Variants in TCF7L1 observed in about 807,000 individuals in gnomAD.
The protein encoded by TCF7L1 is transcription factor 7 like 1, also known as transcription factor 7-like 1.
A neutral mutation model predicts 63.7 loss-of-function variants in TCF7L1; 18 were observed. The observed-to-expected ratio is 0.28, with a 90% confidence interval of 0.20 to 0.42. The LOEUF is 0.42. Among genes scored for constraint, TCF7L1 ranks in the 10% least tolerant of loss-of-function variants. TCF7L1 has a pLI of 1.00. For missense variants in TCF7L1, 654 were observed against 779.3 expected, an observed-to-expected ratio of 0.84 and a Z score of 1.91; for synonymous variants, 355 against 340.9, an observed-to-expected ratio of 1.04 and a Z score of -0.46.
At chr2:85,193,417 G>GC (rs1679083330) in intron 3 of TCF7L1, among the ~76,000 whole-genome samples, 1 of 152,142 alleles carries the variant, frequency 6.6e-6, no homozygotes, top group African/African-American at 2.4e-5. Context: ...GGGTGCAGTG[G>GC]CTCATGCCTG....
At chr2:85,274,093 T>A (rs1040516983) in intron 3 of TCF7L1, among the ~76,000 whole-genome samples, 1 of 151,742 alleles carries the variant, frequency 6.6e-6, no homozygotes, top group Non-Finnish European at 1.5e-5. Context: ...CCCAGCAGGG[T>A]TCACCTCAGG....
chr2:85,283,537 G>A lies in TCF7L1; in HGVS notation c.484G>A (p.Ala162Thr), dbSNP rs1182158493. Residue 162 changes from alanine to threonine, a missense_variant, in exon 4 of 12, where the codon GCC becomes ACC. Around this residue, in one of 3 missense-constraint regions of TCF7L1, gnomAD observed 404 missense variants for 454.8 expected, o/e 0.89. Coordinates refer to ENST00000282111, the MANE Select transcript of TCF7L1 (RefSeq NM_031283.3). Reference protein sequence around the residue: ...KWPLLDVPSSATVKDTRSPSP... With the variant: ...KWPLLDVPSSTTVKDTRSPSP... Reference sequence around the variant, plus strand: ...GCCCCTCCTCGATGTCCCCTCCAGCGCCACAGTCAAGGACACGAGGTCACC... The same window carrying A: ...GCCCCTCCTCGATGTCCCCTCCAGCACCACAGTCAAGGACACGAGGTCACC... 3.7e-6 allele frequency: 6 copies of A among 1,614,066 alleles called. No homozygotes were observed. Among genetic ancestry groups the A allele is most frequent in the East Asian group, 2.2e-5 (1 of 44,882 alleles).
intron 7 of TCF7L1, 133 bp downstream of exon 7, chr2:85,304,471 G>A (rs1682057936): frequency 4.6e-6 from 4 of 865,508 alleles, no homozygotes; most frequent in Non-Finnish European, 7.0e-6. Context: ...CTTTGATCAA[G>A]CATCTTCTCA....
chr2:85,233,998 AAG>A (rs1402680459), intron 3 of TCF7L1: 1 of 152,118 alleles, frequency 6.6e-6, no homozygotes, highest in Non-Finnish European at 1.5e-5. Flanking sequence ...CTAGTGTGGG[AAG>A]ATTATGTATA....
intron 4 of TCF7L1, among the ~76,000 whole-genome samples, chr2:85,291,858 ACC>A: frequency 6.6e-6 from 1 of 152,110 alleles, no homozygotes; most frequent in South Asian, 2.1e-4. Context: ...GGTGTGCACC[ACC>A]ACATCCAGCT....
At chr2:85,285,905 CAT>C (rs1681535936) in intron 4 of TCF7L1, among the ~76,000 whole-genome samples, 1 of 152,140 alleles carries the variant, frequency 6.6e-6, no homozygotes, top group South Asian at 2.1e-4. Context: ...AAAACTAACA[CAT>C]GAGGCCGGGC....
Position 85,304,243 on chromosome 2 carries a change from T to TC in TCF7L1, c.762-7dup. 6.2e-7 allele frequency: 1 copy of TC among 1,609,070 alleles called. No homozygotes were observed. Among genetic ancestry groups the TC allele is most frequent in the South Asian group, 1.1e-5 (1 of 90,688 alleles). Reference sequence around the variant, plus strand: ...TTCCCAATATGCTGACCAGATTTCCTCCCCCTCACAGGCAAGGCCAGCCCA... The same window carrying TC: ...TTCCCAATATGCTGACCAGATTTCCTCCCCCCTCACAGGCAAGGCCAGCCCA... On this transcript the variant is annotated splice_polypyrimidine_tract_variant and intron_variant, in intron 6 of 11. Transcript: ENST00000282111.
At chr2:85,216,159 G>T (rs1312966649) in intron 3 of TCF7L1, among the ~76,000 whole-genome samples, 1 of 152,094 alleles carries the variant, frequency 6.6e-6, no homozygotes, top group Non-Finnish European at 1.5e-5. Context: ...CCGAGAAAGG[G>T]AATGCAGATT....
At chr2:85,218,295 A>G (rs1177843091) in intron 3 of TCF7L1, among the ~76,000 whole-genome samples, 1 of 151,740 alleles carries the variant, frequency 6.6e-6, no homozygotes, top group Non-Finnish European at 1.5e-5. Context: ...TTGCTCTGTC[A>G]CCCAGGCCTG....
intron 3 of TCF7L1, among the ~76,000 whole-genome samples, chr2:85,207,387 TC>T (rs751172474): frequency 1.3e-5 from 2 of 152,244 alleles, no homozygotes; most frequent in Non-Finnish European, 2.9e-5. Context: ...CATCCCTGAT[TC>T]CCTAATCATA....
intron 3 of TCF7L1, among the ~76,000 whole-genome samples, chr2:85,281,469 AT>A (rs1170380364): frequency 6.6e-6 from 1 of 152,218 alleles, no homozygotes; most frequent in Non-Finnish European, 1.5e-5. Flanking sequence ...AGTTTTAACT[AT>A]TGATACCAAT....
At chr2:85,219,365 A>G (rs1040454647) in intron 3 of TCF7L1, among the ~76,000 whole-genome samples, 2 of 152,220 alleles carry the variant, frequency 1.3e-5, no homozygotes, top group East Asian at 1.9e-4. Context: ...AAAGATGCAC[A>G]TATCTTATGA....
chr2:85,188,680 C>T (rs372406492), intron 3 of TCF7L1, among the ~76,000 whole-genome samples: 1 of 152,044 alleles, frequency 6.6e-6, no homozygotes, highest in Non-Finnish European at 1.5e-5. Context: ...TTTCCCTGTC[C>T]TTTATTATGT....
intron 3 of TCF7L1, among the ~76,000 whole-genome samples, chr2:85,254,005 C>T (rs1401922292): frequency 6.6e-6 from 1 of 152,212 alleles, no homozygotes; most frequent in Non-Finnish European, 1.5e-5. Flanking sequence ...ATGGTTTCAC[C>T]TTTGGAAGAT....
Position 85,133,698 on chromosome 2 carries a change from G to A in TCF7L1, c.14G>A (p.Gly5Asp). 6 of 1,002,304 alleles carry A rather than the reference G, an allele frequency of 6.0e-6. No homozygotes were observed. Among genetic ancestry groups the A allele is most frequent in the Non-Finnish European group, 7.1e-6 (6 of 849,176 alleles). The allele number at this position is 1,002,304 out of a possible 1,614,324, so 62.1% of individuals were successfully genotyped here. A position where few individuals can be genotyped will look rare whatever the true frequency, so the allele number is the denominator to read the frequency against. Reference sequence around the variant, plus strand: ...CGCGGCCCCACCATGCCCCAGCTCGGCGGCGGGGGCGGCGGCGGCGGCGGC... The same window carrying A: ...CGCGGCCCCACCATGCCCCAGCTCGACGGCGGGGGCGGCGGCGGCGGCGGC... MPQLGGGGGGGGGGS... is the reference protein window; with the variant it reads MPQLDGGGGGGGGGS... Residue 5 changes from glycine (G) to aspartate (D), a missense_variant, in exon 1 of 12, where the codon GGC becomes GAC. Transcript: ENST00000282111. This position sits in a 1 kb window ranked among gnomAD's most constrained non-coding sequence, Gnocchi z 4.4.
chr2:85,302,335 C>A, intron 4 of TCF7L1, 149 bp from the exon 5 acceptor site: 1 of 1,050,414 alleles, frequency 9.5e-7, no homozygotes, highest in Non-Finnish European at 1.4e-6. Context: ...TCTGCTGTGT[C>A]CACTGCTGTC....
chr2:85,237,114 G>T (rs565778099), intron 3 of TCF7L1, among the ~76,000 whole-genome samples: 4 of 152,320 alleles, frequency 2.6e-5, no homozygotes, highest in Non-Finnish European at 5.9e-5. Flanking sequence ...CCAGGAGGTG[G>T]TGATCATTTG....
intron 3 of TCF7L1, among the ~76,000 whole-genome samples, chr2:85,260,281 G>T (rs1680829267): frequency 6.6e-6 from 1 of 152,144 alleles, no homozygotes; most frequent in South Asian, 2.1e-4. Flanking sequence ...GTGTACGTTG[G>T]CAGGGGACTG....
chr2:85,156,819 C>A (rs1265444394), intron 3 of TCF7L1, among the ~76,000 whole-genome samples: 1 of 152,190 alleles, frequency 6.6e-6, no homozygotes, highest in Non-Finnish European at 1.5e-5. Context: ...AATAAGTTCT[C>A]AGCTTGGGGC....
Sources: gnomAD v4.1 joint callset for allele counts (sites outside exome capture counted in the v4.1 genomes callset) on GRCh38, gnomAD v4.1.1 for gene constraint, gnomAD v4.1.1 regional missense constraint, Gnocchi (gnomAD v3.1) non-coding constraint, MANE v1.5 for transcripts, NCBI Gene and HGNC (gene_info 2026-07-23, HGNC 2026-07-21) for gene names.